The following EXOC4 variants were observed in gnomAD, a reference collection of about 807,000 sequenced individuals.
EXOC4 encodes the protein SEC8-like 1.
A neutral mutation model predicts 107.2 loss-of-function variants in EXOC4; 71 were observed. The ratio of observed to expected loss-of-function variants is 0.66; its 90% confidence interval spans 0.55 to 0.81. EXOC4 has a LOEUF of 0.81. Among genes scored for constraint, EXOC4 ranks in the 30% least tolerant of loss-of-function variants. The pLI is 0.00. For synonymous variants in EXOC4, 456 were observed against 441.2 expected, an observed-to-expected ratio of 1.03 and a Z score of -0.42; for missense variants, 1,108 against 1,189.6, an observed-to-expected ratio of 0.93 and a Z score of 1.01.
intron 7 of EXOC4, among the ~76,000 whole-genome samples, chr7:133,453,527 T>G (rs750924671): frequency 2.0e-5 from 3 of 152,184 alleles, no homozygotes; most frequent in Non-Finnish European, 2.9e-5. Flanking sequence ...TCATTTCTCT[T>G]TAATTAGTAA....
chr7:133,990,267 C>CG, intron 14 of EXOC4, among the ~76,000 whole-genome samples: 1 of 130,076 alleles, frequency 7.7e-6, no homozygotes, highest in Non-Finnish European at 1.6e-5. Context: ...TAACTTTCCC[C>CG]TCCCCCCCCC....
At chr7:133,780,129 C>A (rs1316342684) in intron 10 of EXOC4, among the ~76,000 whole-genome samples, 3 of 151,886 alleles carry the variant, frequency 2.0e-5, no homozygotes, top group African/African-American at 7.3e-5. Context: ...GTCATATTAT[C>A]AAAAAACTAG....
chr7:133,915,883 G>A (rs966105123), intron 12 of EXOC4, among the ~76,000 whole-genome samples: 1 of 152,164 alleles, frequency 6.6e-6, no homozygotes. Context: ...TGAATTAGAA[G>A]AATTCTAGAA....
chr7:133,902,631 G>C (rs1234063064), intron 12 of EXOC4, among the ~76,000 whole-genome samples: 1 of 152,094 alleles, frequency 6.6e-6, no homozygotes, highest in Non-Finnish European at 1.5e-5. Flanking sequence ...AGGGCAGGCA[G>C]ATCACCAGGT....
At chr7:133,675,889 C>T (rs1354572925) in intron 10 of EXOC4, among the ~76,000 whole-genome samples, 3 of 152,126 alleles carry the variant, frequency 2.0e-5, no homozygotes, top group African/African-American at 4.8e-5. Flanking sequence ...TATTCAACCT[C>T]AAAATTCCCA....
intron 9 of EXOC4, among the ~76,000 whole-genome samples, chr7:133,581,737 GA>G: frequency 8.1e-6 from 1 of 123,350 alleles, no homozygotes; most frequent in African/African-American, 3.2e-5. Context: ...CAGCTTGGGC[GA>G]AAGAGTGAGA....
At chr7:133,484,230 A>G (rs976125104) in intron 9 of EXOC4, 4 of 1,431,692 alleles carry the variant, frequency 2.8e-6, no homozygotes, top group South Asian at 2.8e-5. Context: ...ATGCATCTCA[A>G]TAGGCTCTAA....
At chr7:133,630,000 A>C (rs1191837621) in intron 9 of EXOC4, 45 bp from the exon 10 acceptor site, 1 of 1,419,434 alleles carries the variant, frequency 7.0e-7, no homozygotes, top group East Asian at 2.3e-5. Context: ...TTTATTTATA[A>C]AAGTTTCAAT....
At chr7:133,464,539 G>A (rs1798670919) in intron 7 of EXOC4, among the ~76,000 whole-genome samples, 1 of 152,106 alleles carries the variant, frequency 6.6e-6, no homozygotes, top group East Asian at 1.9e-4. Flanking sequence ...TTTTTTGGAG[G>A]AGATAAAACA....
rs1795135023 is a variant in EXOC4 at position 133,322,429 on chromosome 7, T to G, written c.763+5039T>G. The stretch of plus-strand genomic sequence containing the variant: ...AGGAAAGGGTCCAGTTTCAGTTTTC[T>G]GCATATGGCTAGTGAGTTTTCCCAA... On this transcript the variant is annotated intron_variant, in intron 5 of 17. Transcript: ENST00000253861. 2.0e-5 allele frequency among the ~76,000 whole-genome samples: 3 copies of G among 152,232 alleles called. No individual in the cohort carries two copies. In the South Asian group the frequency reaches 6.2e-4, roughly 32 times the overall value.
intron 9 of EXOC4, among the ~76,000 whole-genome samples, chr7:133,559,637 A>T (rs1334730433): frequency 2.6e-5 from 4 of 152,238 alleles, no homozygotes. Context: ...GCTTTTCCTC[A>T]GGACCACAGA....
intron 16 of EXOC4, among the ~76,000 whole-genome samples, chr7:134,005,909 C>G (rs1015720596): frequency 6.6e-6 from 1 of 152,188 alleles, no homozygotes; most frequent in African/African-American, 2.4e-5. Context: ...CCCCCAAAAT[C>G]CAATCCTTAA....
chr7:133,331,645 T>G (rs1174948973), intron 5 of EXOC4, among the ~76,000 whole-genome samples: 1 of 152,032 alleles, frequency 6.6e-6, no homozygotes. Context: ...TTTTGTATTT[T>G]TAGTAGAGAC....
chr7:133,594,925 G>T (rs770290918), intron 9 of EXOC4, among the ~76,000 whole-genome samples: 6 of 152,234 alleles, frequency 3.9e-5, no homozygotes, highest in African/African-American at 7.2e-5. Context: ...ACAGAGTAAT[G>T]ATGGTAGTAG....
At chr7:134,042,293 A>G (rs1318717453) in intron 17 of EXOC4, among the ~76,000 whole-genome samples, 1 of 152,192 alleles carries the variant, frequency 6.6e-6, no homozygotes, top group Admixed American at 6.5e-5. Context: ...TATTATTTCA[A>G]CTAAGTGCTT....
chr7:133,695,670 CCA>C (rs1175213617), intron 10 of EXOC4, among the ~76,000 whole-genome samples: 2 of 152,084 alleles, frequency 1.3e-5, no homozygotes, highest in African/African-American at 4.8e-5. Context: ...TAAAACCAAA[CCA>C]TCATCACCTT....
At position 133,480,542 on chromosome 7, in the gene EXOC4, G is replaced by C. The variant is rs927023266; in HGVS notation, c.1417+404G>C. The C allele has an allele frequency of 7.0e-6, 5 of 713,066 alleles. No homozygotes were observed. In the African/African-American group the frequency reaches 7.4e-5, roughly 11 times the overall value. 44.2% of individuals were successfully genotyped at this position (713,066 alleles called of 1,614,324 possible). ...TTGGGAAAGGGAAAATGCAACCACT[G>C]TCATTATTTAAAGGGAAAAAGATGC... On this transcript the variant is annotated intron_variant, in intron 9 of 17. Coordinates refer to ENST00000253861, the MANE Select transcript of EXOC4 (RefSeq NM_021807.4).
chr7:133,301,345 G>A (rs1794637005), intron 3 of EXOC4, among the ~76,000 whole-genome samples: 1 of 152,200 alleles, frequency 6.6e-6, no homozygotes, highest in Non-Finnish European at 1.5e-5. Context: ...GTTTAACTGT[G>A]TCTTATGTAT....
chr7:133,997,384 G>T, intron 14 of EXOC4, 108 bp from the exon 15 acceptor site: 3 of 1,223,640 alleles, frequency 2.5e-6, no homozygotes, highest in Non-Finnish European at 3.5e-6. Flanking sequence ...GCCAACACTA[G>T]TGTTAACCAA....
Sources: gnomAD v4.1 joint callset for allele counts (sites outside exome capture counted in the v4.1 genomes callset) on GRCh38, gnomAD v4.1.1 for gene constraint, MANE v1.5 for transcripts, NCBI Gene and HGNC (gene_info 2026-07-23, HGNC 2026-07-21) for gene names.